Variants in MOB3C observed in about 807,000 individuals in gnomAD.
MOB3C encodes the protein MOB kinase activator 3C.
Under a neutral mutation model 19.8 loss-of-function variants are expected in MOB3C, and 17 were observed. The observed-to-expected ratio is 0.86, with a 90% CI of 0.59 to 1.29. The LOEUF (loss-of-function observed/expected upper bound fraction) is 1.29. Ranked by LOEUF, MOB3C falls within the 50% of genes most tolerant of loss-of-function variation. MOB3C has a pLI of 0.00. For missense variants in MOB3C, 291 were observed against 301.9 expected, an observed-to-expected ratio of 0.96 and a Z score of 0.27; for synonymous variants, 101 against 119.2, an observed-to-expected ratio of 0.85 and a Z score of 0.99.
At chr1:46,613,501 A>C (rs1675510587) in intron 1 of MOB3C, 130 bp from the exon 2 acceptor site, 3 of 899,968 alleles carry the variant, frequency 3.3e-6, no homozygotes, top group Non-Finnish European at 5.0e-6. Flanking sequence ...CCTGGAATCT[A>C]AGTCCTCAGC....
intron 1 of MOB3C, chr1:46,615,425 G>A (rs1331421921): frequency 7.7e-6 from 2 of 259,516 alleles, no homozygotes; most frequent in Non-Finnish European, 1.5e-5. Context: ...CTTGGGTAGA[G>A]GCTGCTTTTG....
intron 1 of MOB3C, chr1:46,614,065 T>G: frequency 6.6e-6 from 1 of 152,258 alleles, no homozygotes; most frequent in East Asian, 1.9e-4. Flanking sequence ...CAAGCCAGCC[T>G]CCTCCAGCCC....
intron 1 of MOB3C, chr1:46,614,043 G>A (rs1675522709): frequency 1.3e-5 from 2 of 152,302 alleles, no homozygotes; most frequent in African/African-American, 4.8e-5. Flanking sequence ...AACAGCTGGA[G>A]ATCCTTCCCC....
rs1386190032 is a variant in MOB3C at position 46,609,386 on chromosome 1, C to A, written c.*269G>T. ...GAAGGGTCAAGTGTCATAGAAGAAA[C>A]CCCCTAGCCTACCCTACTCCCAGAC... is the stretch of plus-strand genomic sequence containing the variant. On this transcript the variant is annotated 3_prime_UTR_variant, in exon 4 of 4. Transcript: ENST00000319928. 1.8e-6 allele frequency: 1 copy of A among 557,294 alleles called. No homozygotes were observed. Among genetic ancestry groups the A allele is most frequent in the South Asian group, 2.0e-5 (1 of 49,944 alleles). The allele number at this position is 557,294 out of a possible 1,614,324, so 34.5% of individuals were successfully genotyped here. A position where few individuals can be genotyped will look rare whatever the true frequency, so the allele number is the denominator to read the frequency against.
intron 1 of MOB3C, chr1:46,613,618 G>A: frequency 1.8e-6 from 1 of 552,140 alleles, no homozygotes; most frequent in Non-Finnish European, 3.2e-6. Flanking sequence ...TCATTGCAGA[G>A]CTGGGCCTGG....
At position 46,611,813 on chromosome 1, in the gene MOB3C, G is replaced by A. The variant is rs1675473345; in HGVS notation, c.418+1091C>T. Among the ~76,000 whole-genome samples, 1 of 152,218 alleles carries A rather than the reference G, an allele frequency of 6.6e-6. No homozygotes were observed. Among genetic ancestry groups the A allele is most frequent in the Non-Finnish European group, 1.5e-5 (1 of 68,042 alleles). On this transcript the variant is annotated intron_variant, in intron 2 of 3. Transcript: ENST00000319928. The surrounding 1 kb of genome is among the most constrained non-coding windows in gnomAD (Gnocchi z 4.1). ...AATGAAGGTGCTCCTTGTCGGGCAT[G>A]ACAGTGCAAGAAACAGCAGGCCACT...
intron 2 of MOB3C, among the ~76,000 whole-genome samples, chr1:46,612,151 G>T (rs967517330): frequency 1.3e-5 from 2 of 152,164 alleles, no homozygotes; most frequent in Non-Finnish European, 2.9e-5. Flanking sequence ...CTGCCCAGCT[G>T]AGATAAGAAA....
Position 46,613,006 on chromosome 1 carries a change from ACTG to A in MOB3C, c.313_315del (p.Gln105del), listed in dbSNP as rs1675496932. 1 of 1,613,096 alleles carries A rather than the reference ACTG, an allele frequency of 6.2e-7. No individual in the cohort carries two copies. The highest frequency in any genetic ancestry group is 1.3e-5 in the African/African-American group (1 of 74,928). ...GCAGAGAGCTTGGCGGGCCGCCGGT[ACTG>A]GCGCTCGTCCTGCCAGCGGTACTCG... On this transcript the variant is annotated inframe_deletion, in exon 2 of 4. Coordinates refer to ENST00000319928, the MANE Select transcript of MOB3C (RefSeq NM_201403.3).
intron 2 of MOB3C, 76 bp downstream of exon 2, chr1:46,612,828 G>A (rs1675490985): frequency 7.2e-7 from 1 of 1,398,302 alleles, no homozygotes; most frequent in South Asian, 1.4e-5. Context: ...CAACCCTGCA[G>A]AGTGTCTATA....
rs887037792 is a variant in MOB3C, at chr1:46,609,022, A to G, written c.*633T>C. The G allele has an allele frequency of 6.4e-6, 1 of 155,182 alleles. No homozygotes were observed. The highest frequency in any genetic ancestry group is 6.3e-5 in the Admixed American group (1 of 15,986). The allele number at this position is 155,182 out of a possible 1,614,324, so 9.6% of individuals were successfully genotyped here. ...AAGGTTTGAATGTAGAGCAACATCT[A>G]CAACCACATTTTTGTGCACTTACAC... On this transcript the variant is annotated 3_prime_UTR_variant, in exon 4 of 4. Transcript: ENST00000319928.
chr1:46,615,973 C>G (rs1246151025), intron 1 of MOB3C: 2 of 152,286 alleles, frequency 1.3e-5, no homozygotes, highest in African/African-American at 4.8e-5. Flanking sequence ...AGGGCAGGTG[C>G]TCTTCTAGCC....
At chr1:46,610,702 G>C (rs375213332) in intron 2 of MOB3C, among the ~76,000 whole-genome samples, 2 of 152,160 alleles carry the variant, frequency 1.3e-5, no homozygotes, top group Admixed American at 1.3e-4. Flanking sequence ...TTCTAATGAA[G>C]CACAAATCTG....
rs1675442385 is a variant in MOB3C, at chr1:46,610,176, C to T, written c.447G>A (p.Gln149=). The change falls in exon 3 of 4, where the codon CAG becomes CAA. Residue 149 remains glutamine (Q), a synonymous_variant. Transcript: ENST00000319928. ...VGVPFPKNFQ[Q]VCTKILTRLF... ...GGCGGGTCAGGATCTTGGTGCAGAC[C>T]TGCTGGAAGTTCTTAGGGAAGGGAA... 1 of 1,613,998 alleles carries T rather than the reference C, an allele frequency of 6.2e-7. No homozygotes were observed.
chr1:46,611,989 C>T lies in MOB3C; in HGVS notation c.418+915G>A, dbSNP rs1294720672. ...AGATGAGCTCCAGGCCAGGTGGGGG[C>T]TGGGCCCAGCTACAGGTGCGGCTGG... On this transcript the variant is annotated intron_variant, in intron 2 of 3. Transcript: ENST00000319928. This position sits in a 1 kb window ranked among gnomAD's most constrained non-coding sequence, Gnocchi z 4.1. Among the ~76,000 whole-genome samples the T allele has an allele frequency of 6.6e-6, 1 of 152,200 alleles. No homozygotes were observed. Among genetic ancestry groups the T allele is most frequent in the African/African-American group, 2.4e-5 (1 of 41,458 alleles).
In MOB3C at chr1:46,609,552, A is replaced by C; in HGVS notation, c.*103T>G. The C allele has an allele frequency of 1.4e-6, 2 of 1,441,418 alleles. No homozygotes were observed. The highest frequency in any genetic ancestry group is 1.9e-6 in the Non-Finnish European group (2 of 1,028,626). The allele number at this position is 1,441,418 out of a possible 1,614,324, so 89.3% of individuals were successfully genotyped here. A position where few individuals can be genotyped will look rare whatever the true frequency, so the allele number is the denominator to read the frequency against. ...CCAGAGGCTTTGGGTGTGTGGAGTG[A>C]TTCCAGTGCCTTCAGATTCCTTCAG... On this transcript the variant is annotated 3_prime_UTR_variant, in exon 4 of 4. Transcript: ENST00000319928.
At position 46,610,161 on chromosome 1, in the gene MOB3C, G is replaced by C; in HGVS notation, c.462C>G (p.Ile154Met). Reference sequence around the variant, plus strand: ...CAAAGACTCGGAAGAGGCGGGTCAGGATCTTGGTGCAGACCTGCTGGAAGT... The same window carrying C: ...CAAAGACTCGGAAGAGGCGGGTCAGCATCTTGGTGCAGACCTGCTGGAAGT... ...PKNFQQVCTKILTRLFRVFVH... is the reference protein window; with the variant it reads ...PKNFQQVCTKMLTRLFRVFVH... Residue 154 changes from isoleucine to methionine, a missense_variant, in exon 3 of 4, where the codon ATC (isoleucine) becomes ATG (methionine). Transcript: ENST00000319928. 2 of 1,614,176 alleles carry C rather than the reference G, an allele frequency of 1.2e-6. No homozygotes were observed. Among genetic ancestry groups the C allele is most frequent in the Non-Finnish European group, 1.7e-6 (2 of 1,180,012 alleles).
At chr1:46,613,565 A>T (rs1287979560) in intron 1 of MOB3C, 194 bp from the exon 2 acceptor site, 2 of 595,684 alleles carry the variant, frequency 3.4e-6, no homozygotes, top group Non-Finnish European at 5.9e-6. Context: ...CCCCTTGCTA[A>T]GCCCCCACAG....
At chr1:46,614,801 G>T (rs772475582) in intron 1 of MOB3C, 29 of 570,914 alleles carry the variant, frequency 5.1e-5, no homozygotes, top group Non-Finnish European at 8.1e-5. Flanking sequence ...TCGGGGAGGG[G>T]TATTACTTCT....
At chr1:46,612,774 AC>A (rs1485945882) in intron 2 of MOB3C, 129 bp downstream of exon 2, 1 of 919,540 alleles carries the variant, frequency 1.1e-6, no homozygotes, top group African/African-American at 1.7e-5. Context: ...ACCTGTTTCA[AC>A]CTCGCTTTCC....
Sources: allele counts gnomAD v4.1 joint callset (sites outside exome capture counted in the v4.1 genomes callset), GRCh38; gene constraint gnomAD v4.1.1; non-coding constraint Gnocchi (gnomAD v3.1); transcripts MANE v1.5; gene names NCBI Gene and HGNC (gene_info 2026-07-23, HGNC 2026-07-21).